Variants in HERC4 observed in about 807,000 individuals in gnomAD.
HERC4 encodes probable E3 ubiquitin-protein ligase HERC4.
Under a neutral mutation model 124.3 loss-of-function variants are expected in HERC4, and 28 were observed. That is an observed-to-expected ratio of 0.23 (90% CI 0.17 to 0.31). HERC4 has a LOEUF of 0.31. Ranked by LOEUF, HERC4 falls within the 10% of genes least tolerant of loss-of-function variation. The pLI, the probability that HERC4 is intolerant of heterozygous loss-of-function variation, is 1.00. For missense variants in HERC4, 713 were observed against 1,229.3 expected (o/e 0.58, Z 6.28); for synonymous variants, 407 against 421.5 (o/e 0.97, Z 0.42).
intron 23 of HERC4, among the ~76,000 whole-genome samples, chr10:67,926,354 GCCATTGCACT>G (rs1183778306): frequency 6.6e-6 from 1 of 151,108 alleles, no homozygotes; most frequent in Non-Finnish European, 1.5e-5. Context: ...CCAAGACTGT[GCCATTGCACT>G]CCAGCCTGGT....
intron 5 of HERC4, among the ~76,000 whole-genome samples, chr10:68,035,556 T>G (rs2039417728): frequency 6.6e-6 from 1 of 152,204 alleles, no homozygotes; most frequent in African/African-American, 2.4e-5. Context: ...ATTGTAAAAA[T>G]GCAGATTTGA....
rs191574513 is a variant in HERC4 at position 68,069,309 on chromosome 10, A to C, written c.226+3574T>G. The stretch of plus-strand genomic sequence containing the variant: ...ATTTAAAAATTGAGACATTAGCTTA[A>C]AAAGTATTTTAAAGTTCTTATGAAG... On this transcript the variant is annotated intron_variant, in intron 3 of 24. Coordinates refer to ENST00000373700, the MANE Select transcript of HERC4 (RefSeq NM_015601.4). 6.3e-3 allele frequency: 6,105 copies of C among 976,080 alleles called. 30 individuals carry two copies. Among genetic ancestry groups the C allele is most frequent in the Non-Finnish European group, 6.9e-3 (5,664 of 821,454 alleles). 60.5% of individuals were successfully genotyped at this position (976,080 alleles called of 1,614,324 possible). A position where few individuals can be genotyped will look rare whatever the true frequency, so the allele number is the denominator to read the frequency against.
chr10:68,051,797 T>G (rs2040326558), intron 3 of HERC4, among the ~76,000 whole-genome samples: 1 of 151,096 alleles, frequency 6.6e-6, no homozygotes, highest in South Asian at 2.1e-4. Context: ...CAAGTGATCC[T>G]CCCACCTCAG....
At chr10:68,050,431 G>A (rs1589423547) in intron 3 of HERC4, among the ~76,000 whole-genome samples, 1 of 152,076 alleles carries the variant, frequency 6.6e-6, no homozygotes, top group East Asian at 1.9e-4. Context: ...TAAAACCATT[G>A]TTTTCATTTT....
chr10:68,064,026 T>C (rs908561167), intron 3 of HERC4, among the ~76,000 whole-genome samples: 1 of 151,992 alleles, frequency 6.6e-6, no homozygotes, highest in African/African-American at 2.4e-5. Flanking sequence ...GCAGATCACT[T>C]GAGGCCAGGA....
At chr10:68,020,768 C>CAAA (rs149936767) in intron 8 of HERC4, among the ~76,000 whole-genome samples, 1 of 88,450 alleles carries the variant, frequency 1.1e-5, no homozygotes, top group Non-Finnish European at 2.4e-5. Flanking sequence ...GACTCCGTCT[C>CAAA]AAAAAAAAAA....
rs369333658 is a variant in HERC4 at position 68,056,153 on chromosome 10, T to C, written c.227-11590A>G. Among the ~76,000 whole-genome samples, 14 of 152,262 alleles carry C rather than the reference T, an allele frequency of 9.2e-5. No homozygotes were observed. In the East Asian group the frequency reaches 1.3e-3, roughly 15 times the overall value. ...GTGAAATATAAAGACTCCAACATAA[T>C]ACAATACAGTCATATAGTTGCTTTA... On this transcript the variant is annotated intron_variant, in intron 3 of 24. Transcript: ENST00000373700.
chr10:68,037,348 G>A (rs920114705), intron 5 of HERC4, among the ~76,000 whole-genome samples: 4 of 151,878 alleles, frequency 2.6e-5, no homozygotes, highest in Admixed American at 2.6e-4. Flanking sequence ...TGCCCATCTC[G>A]GCCTCCCAAA....
chr10:67,994,205 T>C (rs1450616900), intron 9 of HERC4: 1 of 152,232 alleles, frequency 6.6e-6, no homozygotes, highest in Non-Finnish European at 1.5e-5. Flanking sequence ...AAGCCAATTA[T>C]TCAACCTAAA....
chr10:67,932,333 G>A (rs1458163559), intron 23 of HERC4, among the ~76,000 whole-genome samples: 17 of 151,962 alleles, frequency 1.1e-4, no homozygotes, highest in Middle Eastern at 3.2e-3. Context: ...TGATCCTCCC[G>A]CCTAAGCACC....
At chr10:67,999,997 C>T (rs186228027) in intron 9 of HERC4, among the ~76,000 whole-genome samples, 285 of 152,208 alleles carry the variant, frequency 1.9e-3, no homozygotes, top group Middle Eastern at 6.8e-3. Context: ...TTGAGAACAA[C>T]GGTTACTTAA....
chr10:68,022,518 A>C (rs1000188674), intron 8 of HERC4, among the ~76,000 whole-genome samples: 3 of 150,410 alleles, frequency 2.0e-5, no homozygotes, highest in Non-Finnish European at 4.4e-5. Flanking sequence ...TAAATAAATA[A>C]ATAAATAAAT....
At chr10:68,002,462 T>C (rs1226967532) in intron 9 of HERC4, among the ~76,000 whole-genome samples, 1 of 151,752 alleles carries the variant, frequency 6.6e-6, no homozygotes, top group East Asian at 1.9e-4. Context: ...TATTTCCAAC[T>C]AAGTAGTAAA....
At chr10:67,949,405 C>T (rs1235367963) in intron 19 of HERC4, among the ~76,000 whole-genome samples, 6 of 152,152 alleles carry the variant, frequency 3.9e-5, no homozygotes, top group Admixed American at 3.3e-4. Context: ...AAGATCACAG[C>T]AGAGGGAATA....
intron 19 of HERC4, among the ~76,000 whole-genome samples, chr10:67,952,899 CA>C (rs1003721031): frequency 7.8e-6 from 1 of 127,946 alleles, no homozygotes; most frequent in Non-Finnish European, 1.6e-5. Flanking sequence ...GACTCAGTCT[CA>C]AAAAAAAAGA....
intron 9 of HERC4, chr10:68,010,363 A>G: frequency 1.1e-6 from 1 of 943,376 alleles, no homozygotes; most frequent in South Asian, 1.4e-5. Context: ...ATAGGAAAGG[A>G]CACTGGTGCC....
At chr10:67,948,560 TCTACACTGTTGGTG>T (rs2033561023) in intron 19 of HERC4, among the ~76,000 whole-genome samples, 1 of 152,114 alleles carries the variant, frequency 6.6e-6, no homozygotes, top group African/African-American at 2.4e-5. Flanking sequence ...AAGGGAACAC[TCTACACTGTTGGTG>T]GGAAGGTAAA....
rs148514198 is a variant in HERC4, at chr10:67,941,774, G to A, written c.2338-669C>T. On this transcript the variant is annotated intron_variant, in intron 19 of 24. Coordinates refer to ENST00000373700, the MANE Select transcript of HERC4 (RefSeq NM_015601.4). ...GCTCACTGCAACGTATGCCTCCTGG[G>A]TTCAAGAGATTCTCCTGCCTCAGGC... Among the ~76,000 whole-genome samples the A allele has an allele frequency of 6.0e-4, 90 of 149,330 alleles. No homozygotes were observed. The East Asian group carries it at 0.017, about 28-fold the overall frequency.
chr10:68,059,285 C>T (rs2040709921), intron 3 of HERC4, among the ~76,000 whole-genome samples: 1 of 150,766 alleles, frequency 6.6e-6, no homozygotes, highest in South Asian at 2.1e-4. Flanking sequence ...AGAAAATTGA[C>T]GGGTTGATGT....
Sources: gnomAD v4.1 joint callset for allele counts (sites outside exome capture counted in the v4.1 genomes callset) on GRCh38, gnomAD v4.1.1 for gene constraint, MANE v1.5 for transcripts, NCBI Gene and HGNC (gene_info 2026-07-23, HGNC 2026-07-21) for gene names.